Variants in ROBO2 observed in about 807,000 individuals in gnomAD.
The protein encoded by ROBO2 is roundabout homolog 2.
Under a neutral mutation model 160.8 loss-of-function variants are expected in ROBO2, and 53 were observed. That is an observed-to-expected ratio of 0.33 (90% CI 0.26 to 0.41). The LOEUF is 0.41. Ranked by LOEUF, ROBO2 falls within the 10% of genes least tolerant of loss-of-function variation. The pLI, the probability that ROBO2 is intolerant of heterozygous loss-of-function variation, is 1.00. For missense variants in ROBO2, 1,577 were observed against 1,722.4 expected (o/e 0.92, Z 1.49); for synonymous variants, 664 against 611.7 (o/e 1.09, Z -1.26).
intron 2 of ROBO2, among the ~76,000 whole-genome samples, chr3:76,472,799 C>A (rs1191187260): frequency 6.6e-6 from 1 of 152,120 alleles, no homozygotes; most frequent in Non-Finnish European, 1.5e-5. Flanking sequence ...CAAAATAGAG[C>A]TGGGCTACCC....
intron 2 of ROBO2, among the ~76,000 whole-genome samples, chr3:76,586,735 T>G (rs1280783018): frequency 1.3e-5 from 2 of 152,160 alleles, no homozygotes; most frequent in African/African-American, 4.8e-5. Flanking sequence ...GAGTGTTGGA[T>G]TGAAAGAAAA....
chr3:77,474,879 A>G (rs576682382), intron 2 of ROBO2, among the ~76,000 whole-genome samples: 1 of 152,186 alleles, frequency 6.6e-6, no homozygotes, highest in South Asian at 2.1e-4. Flanking sequence ...GAACTGATAG[A>G]TATTATTTTA....
chr3:76,444,865 T>C (rs2077093609), intron 2 of ROBO2, among the ~76,000 whole-genome samples: 1 of 152,214 alleles, frequency 6.6e-6, no homozygotes, highest in South Asian at 2.1e-4. Flanking sequence ...TACAATGTTA[T>C]TAAAAATTTT....
chr3:77,033,508 A>G (rs1357364744), intron 2 of ROBO2, among the ~76,000 whole-genome samples: 1 of 152,162 alleles, frequency 6.6e-6, no homozygotes, highest in South Asian at 2.1e-4. Context: ...TGTTTGGTAA[A>G]GAAGGGAGAA....
intron 21 of ROBO2, 53 bp from the exon 23 acceptor site, chr3:77,617,460 G>A (rs992137361): frequency 3.1e-6 from 5 of 1,599,198 alleles, no homozygotes; most frequent in Non-Finnish European, 4.3e-6. Flanking sequence ...TTGTGTGCAT[G>A]TATGTGTATA....
intron 2 of ROBO2, among the ~76,000 whole-genome samples, chr3:77,099,694 G>A (rs1192412008): frequency 6.6e-6 from 1 of 151,954 alleles, no homozygotes; most frequent in Non-Finnish European, 1.5e-5. Context: ...CAAACATATT[G>A]AAATACCTCA....
intron 2 of ROBO2, among the ~76,000 whole-genome samples, chr3:76,790,666 C>T (rs1410561390): frequency 6.6e-6 from 1 of 151,584 alleles, no homozygotes; most frequent in Non-Finnish European, 1.5e-5. Context: ...CATCGCATTT[C>T]CCAAATTAAA....
chr3:76,912,373 C>T (rs1318801734), intron 2 of ROBO2, among the ~76,000 whole-genome samples: 3 of 152,080 alleles, frequency 2.0e-5, no homozygotes, highest in African/African-American at 7.2e-5. Flanking sequence ...TGAATTAATG[C>T]TTCTCTTACT....
chr3:77,625,950 G>T (rs1185628949), intron 23 of ROBO2, among the ~76,000 whole-genome samples: 2 of 151,990 alleles, frequency 1.3e-5, no homozygotes, highest in African/African-American at 2.4e-5. Flanking sequence ...TCATTTAATA[G>T]ATTAAAAACA....
At chr3:76,928,590 C>T (rs182422110) in intron 2 of ROBO2, among the ~76,000 whole-genome samples, 9 of 152,090 alleles carry the variant, frequency 5.9e-5, no homozygotes, top group Admixed American at 3.9e-4. Context: ...TTTCTCTGCC[C>T]ATTTATTCAG....
At chr3:76,170,053 T>A (rs2072985778) in intron 2 of ROBO2, among the ~76,000 whole-genome samples, 1 of 152,206 alleles carries the variant, frequency 6.6e-6, no homozygotes, top group Non-Finnish European at 1.5e-5. Context: ...GTGCTGGGAT[T>A]ACAGGCGTGA....
chr3:76,026,733 A>C (rs2066758780), intron 2 of ROBO2, among the ~76,000 whole-genome samples: 1 of 151,994 alleles, frequency 6.6e-6, no homozygotes, highest in Admixed American at 6.6e-5. Context: ...ATTTTATTTC[A>C]GGTTGCAACA....
At chr3:76,984,482 G>A (rs775803478) in intron 2 of ROBO2, among the ~76,000 whole-genome samples, 1 of 152,126 alleles carries the variant, frequency 6.6e-6, no homozygotes, top group Non-Finnish European at 1.5e-5. Flanking sequence ...CTCCAAGAGC[G>A]CAACCACTGG....
chr3:76,854,974 A>G (rs189775015), intron 2 of ROBO2, among the ~76,000 whole-genome samples: 10 of 152,276 alleles, frequency 6.6e-5, no homozygotes, highest in Admixed American at 6.5e-4. Flanking sequence ...TGCTTCTGTG[A>G]GTCCTTTCCT....
chr3:77,520,582 C>T (rs554106571), intron 5 of ROBO2, among the ~76,000 whole-genome samples: 7 of 150,974 alleles, frequency 4.6e-5, no homozygotes, highest in Non-Finnish European at 1.0e-4. Context: ...ACTTTTTAGA[C>T]CATTAACTTT....
chr3:76,757,204 C>T (rs924742877), intron 2 of ROBO2, among the ~76,000 whole-genome samples: 10 of 151,850 alleles, frequency 6.6e-5, no homozygotes, highest in Middle Eastern at 6.8e-3. Context: ...TTTGGGTTTA[C>T]ATAAGAAGTA....
At chr3:76,129,265 G>A (rs192965862) in intron 2 of ROBO2, among the ~76,000 whole-genome samples, 10 of 152,202 alleles carry the variant, frequency 6.6e-5, no homozygotes, top group African/African-American at 2.2e-4. Context: ...ACAATTTGCT[G>A]CTGTACAGTA....
intron 24 of ROBO2, 120 bp downstream of exon 25, chr3:77,635,163 A>C: frequency 9.4e-7 from 1 of 1,061,124 alleles, no homozygotes; most frequent in South Asian, 1.4e-5. Context: ...ACAAGACAAA[A>C]ACCTGGCAAT....
intron 2 of ROBO2, among the ~76,000 whole-genome samples, chr3:76,671,791 C>T (rs1254351125): frequency 6.6e-6 from 1 of 151,960 alleles, no homozygotes; most frequent in Non-Finnish European, 1.5e-5. Flanking sequence ...CCTACCCATA[C>T]ATATTTGTAT....
Sources: allele counts gnomAD v4.1 joint callset (sites outside exome capture counted in the v4.1 genomes callset), GRCh38; gene constraint gnomAD v4.1.1; transcripts MANE v1.5; gene names NCBI Gene and HGNC (gene_info 2026-07-23, HGNC 2026-07-21).